Variants in HAO1 observed in about 807,000 individuals in gnomAD.
HAO1 encodes 2-Hydroxyacid oxidase 1.
Under a neutral mutation model 39.7 loss-of-function variants are expected in HAO1, and 34 were observed. The observed-to-expected ratio is 0.86, with a 90% CI of 0.65 to 1.14. The LOEUF is 1.14. Ranked by LOEUF, HAO1 falls within the 50% of genes most tolerant of loss-of-function variation. HAO1 has a pLI of 0.00. For missense variants in HAO1, 479 were observed against 464.5 expected, an observed-to-expected ratio of 1.03 and a Z score of -0.29; for synonymous variants, 172 against 173.2, an observed-to-expected ratio of 0.99 and a Z score of 0.05.
chr20:7,895,052 G>T, intron 5 of HAO1, 81 bp downstream of exon 5: 1 of 882,532 alleles, frequency 1.1e-6, no homozygotes. Flanking sequence ...TACACACAGA[G>T]AGGAGGAAGA....
intron 2 of HAO1, among the ~76,000 whole-genome samples, chr20:7,916,966 A>G (rs912096141): frequency 1.3e-5 from 2 of 152,234 alleles, no homozygotes; most frequent in African/African-American, 4.8e-5. Flanking sequence ...AATTCAGGTC[A>G]CTTACTGCTG....
chr20:7,883,696 T>A, intron 7 of HAO1, 33 bp from the exon 8 acceptor site: 1 of 1,377,608 alleles, frequency 7.3e-7, no homozygotes, highest in Non-Finnish European at 1.0e-6. Flanking sequence ...TAATATGAAC[T>A]GAATGCAATA....
chr20:7,939,127 A>G (rs1320147931), intron 1 of HAO1, among the ~76,000 whole-genome samples: 1 of 152,206 alleles, frequency 6.6e-6, no homozygotes, highest in East Asian at 1.9e-4. Context: ...CCAAAATAGT[A>G]AATAATGATG....
At chr20:7,884,654 A>G (rs2050142985) in intron 7 of HAO1, among the ~76,000 whole-genome samples, 1 of 152,208 alleles carries the variant, frequency 6.6e-6, no homozygotes, top group Admixed American at 6.5e-5. Flanking sequence ...GACATCATGG[A>G]GGCAAAATGT....
chr20:7,916,270 G>C (rs1356884661), intron 2 of HAO1, among the ~76,000 whole-genome samples: 1 of 152,042 alleles, frequency 6.6e-6, no homozygotes, highest in Non-Finnish European at 1.5e-5. Context: ...CTGTTATAAA[G>C]TATAAATATA....
intron 2 of HAO1, among the ~76,000 whole-genome samples, chr20:7,919,584 C>T (rs1017605731): frequency 6.6e-6 from 1 of 152,138 alleles, no homozygotes; most frequent in South Asian, 2.1e-4. Context: ...GTCCTAGAGT[C>T]CCAGTCTTGC....
At chr20:7,916,755 G>A (rs117891900) in intron 2 of HAO1, among the ~76,000 whole-genome samples, 96 of 152,130 alleles carry the variant, frequency 6.3e-4, no homozygotes, top group Middle Eastern at 3.4e-3. Context: ...ATGTTCTCCC[G>A]GTCAGTGGTT....
rs1303612119 is a variant in HAO1 at position 7,885,706 on chromosome 20, C to T, written c.972G>A (p.Gln324=). 3 of 1,611,300 alleles carry T rather than the reference C, an allele frequency of 1.9e-6. No homozygotes were observed. The East Asian group carries it at 6.7e-5, about 36-fold the overall frequency. The change falls in exon 6 of 8, where the codon CAG becomes CAA. Residue 324 remains glutamine, a splice_region_variant and synonymous_variant. Transcript: ENST00000378789. ...TATATTCATTTCTTTGTCCAGTTACCTGGAAAGCTAAGCCCCAAACGATTG... is the reference window on the plus strand; with the variant it reads ...TATATTCATTTCTTTGTCCAGTTACTTGGAAAGCTAAGCCCCAAACGATTG... ...GRPIVWGLAF[Q]GEKGVQDVLE...
chr20:7,924,440 C>T (rs1568518777), intron 2 of HAO1, among the ~76,000 whole-genome samples: 1 of 152,020 alleles, frequency 6.6e-6, no homozygotes, highest in Non-Finnish European at 1.5e-5. Flanking sequence ...AGATGATGAA[C>T]CATCAGGCAA....
intron 2 of HAO1, among the ~76,000 whole-genome samples, chr20:7,920,087 A>C (rs2050323943): frequency 6.6e-6 from 1 of 152,120 alleles, no homozygotes; most frequent in Non-Finnish European, 1.5e-5. Context: ...AAGGCAGGGA[A>C]CTGTAATCCC....
In HAO1 at chr20:7,885,855, G is replaced by A. The variant is rs1406509568; in HGVS notation, c.823C>T (p.Leu275=). Residue 275 remains leucine, a synonymous_variant, in exon 6 of 8, where the codon CTG becomes TTG. Coordinates refer to ENST00000378789, the MANE Select transcript of HAO1 (RefSeq NM_017545.3). ...LDGVPATIDV[L]PEIVEAVEGK... ...TCCACAGCCTCCACAATTTCTGGCAGAACATCAATCTGGGGAAAGAAAAGT... is the reference window on the plus strand; with the variant it reads ...TCCACAGCCTCCACAATTTCTGGCAAAACATCAATCTGGGGAAAGAAAAGT... The A allele has an allele frequency of 6.2e-7, 1 of 1,612,814 alleles. No individual in the cohort carries two copies. Among genetic ancestry groups the A allele is most frequent in the Non-Finnish European group, 8.5e-7 (1 of 1,179,190 alleles).
intron 2 of HAO1, among the ~76,000 whole-genome samples, chr20:7,918,688 T>A (rs980028096): frequency 1.3e-5 from 2 of 152,184 alleles, no homozygotes; most frequent in African/African-American, 4.8e-5. Context: ...TCAAAGTCCT[T>A]TGCTAAATAA....
At chr20:7,887,561 C>G (rs1433692280) in intron 5 of HAO1, among the ~76,000 whole-genome samples, 1 of 152,110 alleles carries the variant, frequency 6.6e-6, no homozygotes, top group African/African-American at 2.4e-5. Flanking sequence ...GTCCCTTTTC[C>G]TATACATAGC....
At chr20:7,916,589 A>C (rs1484305031) in intron 2 of HAO1, among the ~76,000 whole-genome samples, 1 of 152,210 alleles carries the variant, frequency 6.6e-6, no homozygotes, top group Non-Finnish European at 1.5e-5. Context: ...AAGAGTTTGC[A>C]TTTCTAACCA....
chr20:7,897,523 C>A (rs894190747), intron 4 of HAO1, among the ~76,000 whole-genome samples: 9 of 151,988 alleles, frequency 5.9e-5, no homozygotes, highest in African/African-American at 2.2e-4. Context: ...CTTTACTGCT[C>A]AGCCATTCAG....
intron 5 of HAO1, among the ~76,000 whole-genome samples, chr20:7,892,163 G>A (rs1007210408): frequency 2.0e-5 from 3 of 152,128 alleles, no homozygotes; most frequent in African/African-American, 4.8e-5. Flanking sequence ...TCGGCTCACT[G>A]CAACCTCCAA....
intron 4 of HAO1, among the ~76,000 whole-genome samples, chr20:7,903,226 G>A (rs1381132324): frequency 1.3e-5 from 2 of 151,348 alleles, no homozygotes; most frequent in East Asian, 3.9e-4. Flanking sequence ...AGTAGACGAT[G>A]TAAACTGTAC....
intron 2 of HAO1, among the ~76,000 whole-genome samples, chr20:7,921,983 A>C (rs938879159): frequency 6.6e-6 from 1 of 152,100 alleles, no homozygotes; most frequent in Admixed American, 6.6e-5. Flanking sequence ...AAAAGGGCTG[A>C]AAAAAACTAC....
chr20:7,936,349 A>T (rs2050409961), intron 1 of HAO1, among the ~76,000 whole-genome samples: 1 of 152,158 alleles, frequency 6.6e-6, no homozygotes, highest in African/African-American at 2.4e-5. Flanking sequence ...AGTTTTTATT[A>T]CCAATCATCT....
Sources: gnomAD v4.1 joint callset for allele counts (sites outside exome capture counted in the v4.1 genomes callset) on GRCh38, gnomAD v4.1.1 for gene constraint, MANE v1.5 for transcripts, NCBI Gene and HGNC (gene_info 2026-07-23, HGNC 2026-07-21) for gene names.